Variants in SP3 observed in about 807,000 individuals in gnomAD.
The protein encoded by SP3 is transcription factor Sp3.
SP3 carries 10 observed loss-of-function variants against 70.3 expected under a neutral mutation model. That is an observed-to-expected ratio of 0.14 (90% confidence interval 0.09 to 0.24). The LOEUF (loss-of-function observed/expected upper bound fraction) is 0.24, where lower values mean the gene tolerates loss of function less well. Ranked by LOEUF, SP3 falls within the 10% of genes least tolerant of loss-of-function variation. The pLI is 1.00. For missense variants in SP3, 825 were observed against 914.6 expected (o/e 0.90, Z 1.26); for synonymous variants, 402 against 333.5 (o/e 1.21, Z -2.24).
chr2:173,905,689 C>T lies in SP3; in HGVS notation c.*4252G>A, dbSNP rs1056119868. On this transcript the variant is annotated 3_prime_UTR_variant, in exon 7 of 7. Coordinates refer to ENST00000310015, the MANE Select transcript of SP3 (RefSeq NM_003111.5). The stretch of plus-strand genomic sequence containing the variant: ...AAAGCCAACATGGGAAAAAAAAAAA[C>T]CTTGTATACCCTTTAGACTCCAGAT... Among the ~76,000 whole-genome samples the T allele has an allele frequency of 6.6e-6, 1 of 150,796 alleles. No homozygotes were observed. The highest frequency in any genetic ancestry group is 2.4e-5 in the African/African-American group (1 of 40,902).
chr2:173,945,449 T>C (rs1690509914), intron 4 of SP3, among the ~76,000 whole-genome samples: 1 of 152,050 alleles, frequency 6.6e-6, no homozygotes, highest in African/African-American at 2.4e-5. Context: ...GGCAAAAAAA[T>C]GATGACATTA....
At chr2:173,949,625 T>C (rs962123358) in intron 4 of SP3, among the ~76,000 whole-genome samples, 1 of 152,142 alleles carries the variant, frequency 6.6e-6, no homozygotes, top group Non-Finnish European at 1.5e-5. Context: ...AAGAGATCCA[T>C]CCCTCTTTCG....
chr2:173,922,597 T>C (rs1486349959), intron 4 of SP3, among the ~76,000 whole-genome samples: 1 of 151,668 alleles, frequency 6.6e-6, no homozygotes, highest in Non-Finnish European at 1.5e-5. Context: ...AAGCAGAGAC[T>C]AAAAAGAACC....
rs1474428121 is a variant in SP3, at chr2:173,955,179, G to C, written c.1333C>G (p.Pro445Ala). The change falls in exon 4 of 7, where the codon CCT becomes GCT. Residue 445 changes from proline (P) to alanine (A), a missense_variant. Transcript: ENST00000310015. ...TGTGCCTGAATTAAAAAGGTTCCAG[G>C]ATTCAGCTGCAACTGAAGATTTTGC... ...ALQNLQLQLN[P>A]GTFLIQAQTV... The C allele has an allele frequency of 2.5e-6, 4 of 1,614,016 alleles. No individual in the cohort carries two copies. Among genetic ancestry groups the C allele is most frequent in the Non-Finnish European group, 1.7e-6 (2 of 1,180,034 alleles).
chr2:173,933,643 T>C (rs1414979300), intron 4 of SP3, among the ~76,000 whole-genome samples: 1 of 124,252 alleles, frequency 8.0e-6, no homozygotes, highest in East Asian at 2.3e-4. Context: ...AAACTTTATA[T>C]ATATATATAT....
intron 4 of SP3, among the ~76,000 whole-genome samples, chr2:173,939,495 G>A (rs1329987122): frequency 1.3e-5 from 2 of 152,104 alleles, no homozygotes; most frequent in Admixed American, 6.6e-5. Flanking sequence ...CAGGCACGGT[G>A]GCTCATGCCT....
At chr2:173,921,680 C>T (rs979608049) in intron 4 of SP3, among the ~76,000 whole-genome samples, 6 of 152,164 alleles carry the variant, frequency 3.9e-5, no homozygotes, top group African/African-American at 9.7e-5. Flanking sequence ...CACATCACTG[C>T]CCTCCAGCCT....
At chr2:173,933,208 A>C (rs924097165) in intron 4 of SP3, among the ~76,000 whole-genome samples, 2 of 151,174 alleles carry the variant, frequency 1.3e-5, no homozygotes, top group African/African-American at 4.9e-5. Flanking sequence ...ATTAAATTTC[A>C]ATCTTTTATC....
At chr2:173,957,817 C>G (rs1276149342) in intron 3 of SP3, among the ~76,000 whole-genome samples, 1 of 152,130 alleles carries the variant, frequency 6.6e-6, no homozygotes, top group Non-Finnish European at 1.5e-5. Flanking sequence ...ATACAAATCT[C>G]TAGGCCTGAA....
In SP3 at chr2:173,904,770, C is replaced by G. The variant is rs1379125852; in HGVS notation, c.*5171G>C. Among the ~76,000 whole-genome samples, 1 of 152,184 alleles carries G rather than the reference C, an allele frequency of 6.6e-6. No individual in the cohort carries two copies. The highest frequency in any genetic ancestry group is 1.5e-5 in the Non-Finnish European group (1 of 68,030). On this transcript the variant is annotated 3_prime_UTR_variant, in exon 7 of 7. Transcript: ENST00000310015. The stretch of plus-strand genomic sequence containing the variant: ...GCTCAGAGAAGGGATGTAAGTCGGA[C>G]AGATATCCTAAAAGGTCACTAAGCC...
rs1245729701 is a variant in SP3 at position 173,964,329 on chromosome 2, A to G, written c.156+76T>C. The G allele has an allele frequency of 2.0e-4, 108 of 547,490 alleles. No homozygotes were observed. The East Asian group carries it at 2.8e-3, about 14-fold the overall frequency. The allele number at this position is 547,490 out of a possible 1,614,324, so 33.9% of individuals were successfully genotyped here. A position where few individuals can be genotyped will look rare whatever the true frequency, so the allele number is the denominator to read the frequency against. On this transcript the variant is annotated intron_variant, in intron 2 of 6. Coordinates refer to ENST00000310015, the MANE Select transcript of SP3 (RefSeq NM_003111.5). ...GAGACGAGGAGGGAGGGGTGAGGCG[A>G]GGAGGGAGGGGAGAGGCGAGGGGAG...
intron 4 of SP3, among the ~76,000 whole-genome samples, chr2:173,923,711 T>A (rs890442237): frequency 6.6e-6 from 1 of 152,036 alleles, no homozygotes; most frequent in Non-Finnish European, 1.5e-5. Context: ...TCATATTCTC[T>A]GCCTTCAACT....
intron 4 of SP3, among the ~76,000 whole-genome samples, chr2:173,939,774 A>AAAAAAAAAAAAAAAAAAAAAAAAC (rs1690310672): frequency 6.6e-6 from 1 of 151,430 alleles, no homozygotes; most frequent in African/African-American, 2.4e-5. Context: ...CAAAAAAAAA[A>AAAAAAAAAAAAAAAAAAAAAAAAC]AAAAAAAAGT....
intron 4 of SP3, among the ~76,000 whole-genome samples, chr2:173,947,432 A>G (rs1690577482): frequency 6.6e-6 from 1 of 152,126 alleles, no homozygotes. Context: ...AAGAAAAAGC[A>G]CTACCAGTTT....
Position 173,965,149 on chromosome 2 carries a change from T to C in SP3, c.7+16A>G, listed in dbSNP as rs1347579114. Reference sequence around the variant, plus strand: ...GCGGCGGCAGCAGCAAGGGTTGCTCTCTCGGCTTTACGTACCGGTCATAGT... The same window carrying C: ...GCGGCGGCAGCAGCAAGGGTTGCTCCCTCGGCTTTACGTACCGGTCATAGT... On this transcript the variant is annotated intron_variant, in intron 1 of 6. Coordinates refer to ENST00000310015, the MANE Select transcript of SP3 (RefSeq NM_003111.5). The C allele has an allele frequency of 1.9e-6, 3 of 1,546,744 alleles. No individual in the cohort carries two copies. The highest frequency in any genetic ancestry group is 2.6e-6 in the Non-Finnish European group (3 of 1,145,588).
Position 173,905,989 on chromosome 2 carries a change from T to A in SP3, c.*3952A>T, listed in dbSNP as rs1689305567. 6.6e-6 allele frequency among the ~76,000 whole-genome samples: 1 copy of A among 152,114 alleles called. No homozygotes were observed. The highest frequency in any genetic ancestry group is 1.5e-5 in the Non-Finnish European group (1 of 68,022). ...CACTGTGTGACAGAGACAGACCCTG[T>A]CAAATATAGGGAAAAAACAAACAAT... is the stretch of plus-strand genomic sequence containing the variant. On this transcript the variant is annotated 3_prime_UTR_variant, in exon 7 of 7. Coordinates refer to ENST00000310015, the MANE Select transcript of SP3 (RefSeq NM_003111.5).
intron 6 of SP3, among the ~76,000 whole-genome samples, chr2:173,912,086 C>T (rs1574395849): frequency 6.6e-6 from 1 of 152,228 alleles, no homozygotes; most frequent in Non-Finnish European, 1.5e-5. Flanking sequence ...CCCAAAGTGC[C>T]GGGATTACAG....
At chr2:173,918,468 T>TAC (rs1285770724) in intron 5 of SP3, 125 bp downstream of exon 5, 22 of 986,030 alleles carry the variant, frequency 2.2e-5, no homozygotes, top group Admixed American at 1.2e-4. Flanking sequence ...GCCACACGCA[T>TAC]ACACACACAC....
At chr2:173,953,788 A>C (rs1343930094) in intron 4 of SP3, among the ~76,000 whole-genome samples, 6 of 149,556 alleles carry the variant, frequency 4.0e-5, no homozygotes, top group Middle Eastern at 3.5e-3. Flanking sequence ...ACAAAACAAA[A>C]AAAAAAACAA....
Sources: allele counts gnomAD v4.1 joint callset (sites outside exome capture counted in the v4.1 genomes callset), GRCh38; gene constraint gnomAD v4.1.1; transcripts MANE v1.5; gene names NCBI Gene and HGNC (gene_info 2026-07-23, HGNC 2026-07-21).